PGBD5: variants seen among roughly 807,000 people sequenced by gnomAD.
The protein encoded by PGBD5 is piggyBac transposable element derived 5.
Under a neutral mutation model 47.9 loss-of-function variants are expected in PGBD5, and 14 were observed. The observed-to-expected ratio is 0.29, with a 90% CI of 0.19 to 0.46. The LOEUF is 0.46. PGBD5 is among the 20% of genes least tolerant of loss of function. The pLI, the probability that PGBD5 is intolerant of heterozygous loss-of-function variation, is 1.00. For synonymous variants in PGBD5, 316 were observed against 306.3 expected, an observed-to-expected ratio of 1.03 and a Z score of -0.33; for missense variants, 635 against 716.0, an observed-to-expected ratio of 0.89 and a Z score of 1.29.
In PGBD5 at chr1:230,393,633, C is replaced by T. The variant is rs543960575; in HGVS notation, c.331+31965G>A. The stretch of plus-strand genomic sequence containing the variant: ...CAGGCGGATTATGAGGTCAGGAGAT[C>T]GAGACCACGGTGAAACCCCGTCTCT... On this transcript the variant is annotated intron_variant, in intron 1 of 6. Coordinates refer to ENST00000391860, the MANE Select transcript of PGBD5 (RefSeq NM_001258311.2). 1.9e-3 allele frequency among the ~76,000 whole-genome samples: 293 copies of T among 151,950 alleles called. 1 individual carries two copies. Among genetic ancestry groups the T allele is most frequent in the African/African-American group, 6.8e-3 (282 of 41,430 alleles).
rs148237062 is a variant in PGBD5, at chr1:230,424,962, T to C, written c.331+636A>G. 1.2e-3 allele frequency among the ~76,000 whole-genome samples: 188 copies of C among 152,332 alleles called. 1 individual carries two copies. Among genetic ancestry groups the C allele is most frequent in the Non-Finnish European group, 2.1e-3 (142 of 68,032 alleles). ...GCAGGACACACCTGAAAGTACCTTC[T>C]GGCGGAAAAGCAAGCACCTTAACGC... On this transcript the variant is annotated intron_variant, in intron 1 of 6. Transcript: ENST00000391860.
In PGBD5 at chr1:230,323,670, G is replaced by A. The variant is rs751919735; in HGVS notation, c.1380-50C>T. On this transcript the variant is annotated intron_variant, in intron 6 of 6. Coordinates refer to ENST00000391860, the MANE Select transcript of PGBD5 (RefSeq NM_001258311.2). This position sits in a 1 kb window ranked among gnomAD's most constrained non-coding sequence, Gnocchi z 4.1. ...GCTGACCCGATGGTTCATGGCACCC[G>A]GAGATGCATCCCAAAGGCCCCCCCT... 1.7e-5 allele frequency: 26 copies of A among 1,534,964 alleles called. No homozygotes were observed. Among genetic ancestry groups the A allele is most frequent in the Middle Eastern group, 1.7e-4 (1 of 5,724 alleles).
chr1:230,385,138 T>C (rs1286231760), intron 1 of PGBD5, among the ~76,000 whole-genome samples: 1 of 152,134 alleles, frequency 6.6e-6, no homozygotes, highest in Non-Finnish European at 1.5e-5. Flanking sequence ...GAAATTTCAG[T>C]CTCGCGCACG....
chr1:230,323,377 C>G lies in PGBD5; in HGVS notation c.*48G>C. 6.4e-7 allele frequency: 1 copy of G among 1,569,948 alleles called. No homozygotes were observed. The highest frequency in any genetic ancestry group is 1.2e-5 in the South Asian group (1 of 83,676). ...GATGGGCAAGTTGGAACGGCAGGCTCTCCTCCTCCTCTTGCCCCTCCCTTG... is the reference window on the plus strand; with the variant it reads ...GATGGGCAAGTTGGAACGGCAGGCTGTCCTCCTCCTCTTGCCCCTCCCTTG... On this transcript the variant is annotated 3_prime_UTR_variant, in exon 7 of 7. Transcript: ENST00000391860. This position sits in a 1 kb window ranked among gnomAD's most constrained non-coding sequence, Gnocchi z 4.1.
intron 1 of PGBD5, among the ~76,000 whole-genome samples, chr1:230,390,190 A>G (rs564851074): frequency 6.6e-6 from 1 of 152,152 alleles, no homozygotes; most frequent in African/African-American, 2.4e-5. Flanking sequence ...TCTGCCCACC[A>G]TAAGTGGGTG....
chr1:230,321,886 G>C lies in PGBD5; in HGVS notation c.*1539C>G, dbSNP rs1572191724. The stretch of plus-strand genomic sequence containing the variant: ...CGATCTGAAATTTGGCCTGCAATCC[G>C]TGGCATCGATTCCAACCACAGGGCG... On this transcript the variant is annotated 3_prime_UTR_variant, in exon 7 of 7. Transcript: ENST00000391860. The C allele has an allele frequency of 6.6e-6, 1 of 152,608 alleles. No individual in the cohort carries two copies. The highest frequency in any genetic ancestry group is 2.4e-5 in the African/African-American group (1 of 41,436). The allele number at this position is 152,608 out of a possible 1,614,324, so 9.5% of individuals were successfully genotyped here.
intron 1 of PGBD5, among the ~76,000 whole-genome samples, chr1:230,377,801 T>C (rs1371877454): frequency 6.6e-6 from 1 of 152,244 alleles, no homozygotes; most frequent in Non-Finnish European, 1.5e-5. Context: ...GGATAAGCAC[T>C]GGCCATCATT....
chr1:230,362,199 G>A, intron 1 of PGBD5: 2 of 1,314,992 alleles, frequency 1.5e-6, no homozygotes, highest in South Asian at 2.5e-5. Context: ...AGAGGGTGGG[G>A]GAGGATCTGA....
At chr1:230,395,395 T>C (rs1571856906) in intron 1 of PGBD5, among the ~76,000 whole-genome samples, 1 of 17,322 alleles carries the variant, frequency 5.8e-5, no homozygotes, top group African/African-American at 2.8e-4. Context: ...TCCCCATCCC[T>C]GAGCTCCTCT....
chr1:230,423,234 T>C (rs1161456386), intron 1 of PGBD5, among the ~76,000 whole-genome samples: 1 of 152,148 alleles, frequency 6.6e-6, no homozygotes, highest in African/African-American at 2.4e-5. Context: ...AAGAGCAATT[T>C]GAATTATAAA....
At chr1:230,404,627 AAAATAT>A (rs1233208278) in intron 1 of PGBD5, among the ~76,000 whole-genome samples, 5,123 of 129,972 alleles carry the variant, frequency 0.039, 105 homozygotes, top group South Asian at 0.12. Flanking sequence ...AAAAAAAAAA[AAAATAT>A]ATATATATAT....
At chr1:230,373,352 A>G (rs370529557) in intron 1 of PGBD5, among the ~76,000 whole-genome samples, 5 of 152,170 alleles carry the variant, frequency 3.3e-5, no homozygotes, top group Admixed American at 6.5e-5. Context: ...GTCGGCCCCA[A>G]TAGTCTGTAG....
intron 1 of PGBD5, among the ~76,000 whole-genome samples, chr1:230,397,773 T>C (rs761074623): frequency 1.3e-4 from 20 of 152,170 alleles, no homozygotes; most frequent in Non-Finnish European, 2.2e-4. Flanking sequence ...ATCGGCAGGC[T>C]CAGAGCTTCT....
chr1:230,368,850 C>T (rs973769369), intron 1 of PGBD5, among the ~76,000 whole-genome samples: 9 of 152,196 alleles, frequency 5.9e-5, no homozygotes, highest in African/African-American at 1.7e-4. Flanking sequence ...TGGGCCCAGG[C>T]CTCTTGATCC....
chr1:230,341,516 G>A (rs908870447), intron 3 of PGBD5, among the ~76,000 whole-genome samples: 6 of 152,196 alleles, frequency 3.9e-5, no homozygotes, highest in African/African-American at 1.4e-4. Context: ...AATCCTGCCA[G>A]TAATCTGAGA....
chr1:230,323,370 G>C lies in PGBD5; in HGVS notation c.*55C>G. 1 of 1,564,548 alleles carries C rather than the reference G, an allele frequency of 6.4e-7. No individual in the cohort carries two copies. The highest frequency in any genetic ancestry group is 8.6e-7 in the Non-Finnish European group (1 of 1,156,850). ...GGTCTCTGATGGGCAAGTTGGAACG[G>C]CAGGCTCTCCTCCTCCTCTTGCCCC... On this transcript the variant is annotated 3_prime_UTR_variant, in exon 7 of 7. Coordinates refer to ENST00000391860, the MANE Select transcript of PGBD5 (RefSeq NM_001258311.2). The surrounding 1 kb of genome is among the most constrained non-coding windows in gnomAD (Gnocchi z 4.1).
chr1:230,398,675 A>G (rs1657058586), intron 1 of PGBD5, among the ~76,000 whole-genome samples: 1 of 152,224 alleles, frequency 6.6e-6, no homozygotes, highest in Non-Finnish European at 1.5e-5. Flanking sequence ...AGACCAGACC[A>G]TAAGCCCTCA....
rs151015341 is a variant in PGBD5, at chr1:230,348,011, G to A, written c.894+2947C>T. ...CATACCACAGCTGCCTACATCCTAC[G>A]GGCCAAAGCCAGCCTCAGAAACAGG... On this transcript the variant is annotated intron_variant, in intron 3 of 6. Transcript: ENST00000391860. 5.3e-5 allele frequency among the ~76,000 whole-genome samples: 8 copies of A among 152,220 alleles called. No homozygotes were observed. The East Asian group carries it at 7.7e-4, about 15-fold the overall frequency.
In PGBD5 at chr1:230,323,638, A is replaced by G; in HGVS notation, c.1380-18T>C. 1 of 1,606,764 alleles carries G rather than the reference A, an allele frequency of 6.2e-7. No individual in the cohort carries two copies. Among genetic ancestry groups the G allele is most frequent in the Non-Finnish European group, 8.5e-7 (1 of 1,175,666 alleles). ...TGAAATACCTGAGGACAGAGGGAAT[A>G]AGAACGGCTGACCCGATGGTTCATG... On this transcript the variant is annotated intron_variant, in intron 6 of 6. Transcript: ENST00000391860. The surrounding 1 kb of genome is among the most constrained non-coding windows in gnomAD (Gnocchi z 4.1).
Sources: gnomAD v4.1 joint callset for allele counts (sites outside exome capture counted in the v4.1 genomes callset) on GRCh38, gnomAD v4.1.1 for gene constraint, Gnocchi (gnomAD v3.1) non-coding constraint, MANE v1.5 for transcripts, NCBI Gene and HGNC (gene_info 2026-07-23, HGNC 2026-07-21) for gene names.